Variants in PRSS36 observed in about 807,000 individuals in gnomAD.
PRSS36 encodes polyserase-2.
A neutral mutation model predicts 94.3 loss-of-function variants in PRSS36; 90 were observed. That is an observed-to-expected ratio of 0.95 (90% CI 0.80 to 1.14). The LOEUF is 1.14. Among genes scored for constraint, PRSS36 ranks in the 50% most tolerant of loss-of-function variants. The pLI is 0.00. For missense variants in PRSS36, 1,158 were observed against 1,135.0 expected, an observed-to-expected ratio of 1.02 and a Z score of -0.29; for synonymous variants, 500 against 489.6, an observed-to-expected ratio of 1.02 and a Z score of -0.28.
Position 31,148,446 on chromosome 16 carries a change from C to G in PRSS36, c.502G>C (p.Val168Leu). The G allele has an allele frequency of 6.3e-7, 1 of 1,574,814 alleles. No individual in the cohort carries two copies. Among genetic ancestry groups the G allele is most frequent in the Non-Finnish European group, 8.6e-7 (1 of 1,167,796 alleles). Residue 168 changes from valine to leucine, a missense_variant, in exon 5 of 15, where the codon GTG becomes CTG. Transcript: ENST00000268281. ...VCLPRASHRF[V>L]HGTACWATGW... ...GTGGCCCAGCAGGCGGTGCCGTGCA[C>G]GAAGCGGTGTGAGGCGCGGGGCAGG...
chr16:31,149,981 C>G lies in PRSS36; in HGVS notation c.37+18G>C. On this transcript the variant is annotated intron_variant, in intron 1 of 14. Transcript: ENST00000268281. Reference sequence around the variant, plus strand: ...AGGACCCAGGCCCTTTGCAGCCACTCTTGTCCCCTGAGGTTACCAAGCATC... The same window carrying G: ...AGGACCCAGGCCCTTTGCAGCCACTGTTGTCCCCTGAGGTTACCAAGCATC... The G allele has an allele frequency of 6.2e-7, 1 of 1,613,688 alleles. No homozygotes were observed. Among genetic ancestry groups the G allele is most frequent in the Non-Finnish European group, 8.5e-7 (1 of 1,179,798 alleles).
chr16:31,148,611 G>T lies in PRSS36; in HGVS notation c.337C>A (p.Pro113Thr), dbSNP rs771145111. Residue 113 changes from proline to threonine, a missense_variant, in exon 5 of 15, where the codon CCC (proline) becomes ACC (threonine). By Grantham distance (38) the Pro-to-Thr change is conservative. Coordinates refer to ENST00000268281, the MANE Select transcript of PRSS36 (RefSeq NM_173502.5). ...GCGCGGGTGTGCGCGCCGTCCAGGG[G>T]CCCGTCCTGGGAGTGCACGCCCAGC... is the stretch of plus-strand genomic sequence containing the variant. Reference protein sequence around the residue: ...VLLGVHSQDGPLDGAHTRAVA... With the variant: ...VLLGVHSQDGTLDGAHTRAVA... 4 of 1,611,892 alleles carry T rather than the reference G, an allele frequency of 2.5e-6. No homozygotes were observed. In the South Asian group the frequency reaches 3.3e-5, roughly 13 times the overall value.
In PRSS36 at chr16:31,141,581, C is replaced by G. The variant is rs897815907; in HGVS notation, c.1789G>C (p.Val597Leu). The G allele has an allele frequency of 5.0e-6, 8 of 1,613,276 alleles. No individual in the cohort carries two copies. The highest frequency in any genetic ancestry group is 2.7e-5 in the African/African-American group (2 of 74,926). ...GCCAGCCAGGGCCACAGGACCCCCA[C>G]TGGAGCAGCCTCCAGCCGCAGGCCA... ...ACGLRLEAAP[V>L]GVLWPWLAEV... The change falls in exon 12 of 15, where the codon GTG (valine) becomes CTG (leucine). Residue 597 changes from valine (V) to leucine (L), a missense_variant. Val to Leu is a conservative substitution (Grantham distance 32). Transcript: ENST00000268281.
chr16:31,147,828 G>A (rs1194863782), intron 5 of PRSS36, among the ~76,000 whole-genome samples: 1 of 152,144 alleles, frequency 6.6e-6, no homozygotes, highest in Non-Finnish European at 1.5e-5. Context: ...GATGGAATGA[G>A]AGGAAGGCGG....
chr16:31,149,676 C>G lies in PRSS36; in HGVS notation c.73+20G>C. ...TTTTCTGCCTCTGCACGTGACTTTCCCCCAGTCCGGCTACCTTACCTGAGT... is the reference window on the plus strand; with the variant it reads ...TTTTCTGCCTCTGCACGTGACTTTCGCCCAGTCCGGCTACCTTACCTGAGT... On this transcript the variant is annotated intron_variant, in intron 2 of 14. Transcript: ENST00000268281. 5 of 1,614,150 alleles carry G rather than the reference C, an allele frequency of 3.1e-6. No homozygotes were observed. Among genetic ancestry groups the G allele is most frequent in the Non-Finnish European group, 4.2e-6 (5 of 1,179,996 alleles).
At chr16:31,142,387 C>G in intron 10 of PRSS36, 94 bp downstream of exon 10, 1 of 1,341,824 alleles carries the variant, frequency 7.5e-7, no homozygotes, top group Non-Finnish European at 9.8e-7. Context: ...CGCCCTCTCC[C>G]TAGAGCCCAC....
chr16:31,139,535 G>T, intron 14 of PRSS36, 119 bp from the exon 15 acceptor site: 1 of 1,245,286 alleles, frequency 8.0e-7, no homozygotes, highest in Admixed American at 2.4e-5. Context: ...CCAGGTCCCT[G>T]GTTTCTCTCC....
In PRSS36 at chr16:31,142,727, C is replaced by T. The variant is rs1383018985; in HGVS notation, c.1357+10G>A. 1.3e-5 allele frequency: 18 copies of T among 1,360,782 alleles called. No homozygotes were observed. Among genetic ancestry groups the T allele is most frequent in the Non-Finnish European group, 1.6e-5 (17 of 1,055,382 alleles). The allele number at this position is 1,360,782 out of a possible 1,614,324, so 84.3% of individuals were successfully genotyped here. ...GGTGCCGCCCGGCCCAGCGCCGGTC[C>T]CCAGCTCACCCCCGCGGCCCCAGCG... On this transcript the variant is annotated intron_variant, in intron 9 of 14. Coordinates refer to ENST00000268281, the MANE Select transcript of PRSS36 (RefSeq NM_173502.5).
At chr16:31,148,782 G>T in intron 4 of PRSS36, 107 bp from the exon 5 acceptor site, 1 of 1,451,004 alleles carries the variant, frequency 6.9e-7, no homozygotes, top group Non-Finnish European at 9.4e-7. Context: ...ATCCGATCCA[G>T]ATTTGGTGCT....
intron 1 of PRSS36, 39 bp from the exon 2 acceptor site, chr16:31,149,770 C>G (rs201352851): frequency 8.7e-6 from 14 of 1,613,920 alleles, no homozygotes; most frequent in Non-Finnish European, 1.1e-5. Flanking sequence ...GCTGGCGACT[C>G]GCACTCAGTA....
intron 4 of PRSS36, 182 bp from the exon 5 acceptor site, chr16:31,148,857 A>G: frequency 1.0e-6 from 1 of 985,188 alleles, no homozygotes; most frequent in Non-Finnish European, 1.5e-6. Flanking sequence ...CATTGGAAAG[A>G]TGGGATTCAG....
At chr16:31,145,689 G>T in intron 6 of PRSS36, 100 bp downstream of exon 6, 1 of 1,183,452 alleles carries the variant, frequency 8.4e-7, no homozygotes, top group South Asian at 1.5e-5. Context: ...TGGCAATCTT[G>T]CCCTCCTTTT....
At chr16:31,143,307 G>T (rs759870099) in intron 8 of PRSS36, 35 bp downstream of exon 8, 3 of 1,555,900 alleles carry the variant, frequency 1.9e-6, no homozygotes, top group Middle Eastern at 1.7e-4. Flanking sequence ...GTAGGGAGGG[G>T]CAAGGATCGG....
rs777338597 is a variant in PRSS36, at chr16:31,139,132, A to G, written c.*6T>C. 1 of 1,540,166 alleles carries G rather than the reference A, an allele frequency of 6.5e-7. No individual in the cohort carries two copies. The highest frequency in any genetic ancestry group is 8.8e-7 in the Non-Finnish European group (1 of 1,140,948). ...AAGGGGGAAGTGGTGCTGGGACCCT[A>G]GCCCCTCAGCTCTGGATCAGGAGAG... On this transcript the variant is annotated 3_prime_UTR_variant, in exon 15 of 15. Transcript: ENST00000268281.
At position 31,140,600 on chromosome 16, in the gene PRSS36, A is replaced by G; in HGVS notation, c.2059T>C (p.Ser687Pro). 1.2e-6 allele frequency: 2 copies of G among 1,609,386 alleles called. No homozygotes were observed. Among genetic ancestry groups the G allele is most frequent in the South Asian group, 1.1e-5 (1 of 90,526 alleles). The change falls in exon 13 of 15, where the codon TCC becomes CCC. Residue 687 changes from serine (S) to proline (P), a missense_variant. Physicochemically the swap from Ser to Pro is moderately conservative, Grantham distance 74. Transcript: ENST00000268281. ...RPPLALLELS[S>P]RVEPSPSALP... is the part of the protein sequence containing the mutation. Reference sequence around the variant, plus strand: ...GCTGATGGGGAGGGCTCCACCCGGGAGCTCAGCTCCAGGAGGGCCAGGGGG... The same window carrying G: ...GCTGATGGGGAGGGCTCCACCCGGGGGCTCAGCTCCAGGAGGGCCAGGGGG...
intron 8 of PRSS36, 86 bp downstream of exon 8, chr16:31,143,256 C>T (rs2057743330): frequency 2.0e-6 from 3 of 1,511,364 alleles, no homozygotes; most frequent in East Asian, 4.6e-5. Context: ...CCCCACACCC[C>T]CTGGGGAGGG....
intron 12 of PRSS36, 122 bp from the exon 13 acceptor site, chr16:31,140,879 C>A: frequency 9.4e-7 from 1 of 1,066,766 alleles, no homozygotes; most frequent in Non-Finnish European, 1.3e-6. Context: ...TCCCTCCTTC[C>A]AAATCTCCCT....
At chr16:31,141,307 T>C (rs1180582944) in intron 12 of PRSS36, among the ~76,000 whole-genome samples, 162 bp downstream of exon 12, 1 of 152,194 alleles carries the variant, frequency 6.6e-6, no homozygotes, top group Non-Finnish European at 1.5e-5. Context: ...CTTAGTACGT[T>C]GGCCAAGGCA....
intron 14 of PRSS36, among the ~76,000 whole-genome samples, chr16:31,139,961 G>A (rs1183224699): frequency 1.3e-5 from 2 of 150,798 alleles, no homozygotes; most frequent in Non-Finnish European, 2.9e-5. Flanking sequence ...TTGGGAGGCC[G>A]AGGCCGGCGG....
Sources: gnomAD v4.1 joint callset for allele counts (sites outside exome capture counted in the v4.1 genomes callset) on GRCh38, gnomAD v4.1.1 for gene constraint, MANE v1.5 for transcripts, NCBI Gene and HGNC (gene_info 2026-07-23, HGNC 2026-07-21) for gene names.